Variants in CDK17 observed in about 807,000 individuals in gnomAD.
The protein encoded by CDK17 is cyclin-dependent kinase 17.
Under a neutral mutation model 77.6 loss-of-function variants are expected in CDK17, and 24 were observed. The ratio of observed to expected loss-of-function variants is 0.31; its 90% CI spans 0.22 to 0.44. The LOEUF (loss-of-function observed/expected upper bound fraction) is 0.44. Ranked by LOEUF, CDK17 falls within the 20% of genes least tolerant of loss-of-function variation. CDK17 has a pLI of 1.00. For missense variants in CDK17, 429 were observed against 622.5 expected (o/e 0.69, Z 3.31); for synonymous variants, 203 against 210.4 (o/e 0.96, Z 0.30).
At chr12:96,360,071 A>G (rs1953468833) in intron 1 of CDK17, among the ~76,000 whole-genome samples, 1 of 152,234 alleles carries the variant, frequency 6.6e-6, no homozygotes, top group Non-Finnish European at 1.5e-5. Flanking sequence ...AACATGCACT[A>G]TGATGGGGGA....
At chr12:96,360,502 T>A (rs1327304559) in intron 1 of CDK17, among the ~76,000 whole-genome samples, 1 of 152,178 alleles carries the variant, frequency 6.6e-6, no homozygotes, top group Non-Finnish European at 1.5e-5. Flanking sequence ...GGTTTAAACA[T>A]CTCATTTTCT....
At chr12:96,338,871 A>G (rs1953084350) in intron 1 of CDK17, among the ~76,000 whole-genome samples, 1 of 151,562 alleles carries the variant, frequency 6.6e-6, no homozygotes, top group Non-Finnish European at 1.5e-5. Flanking sequence ...TTTATTTCAT[A>G]TTGTTCTGCA....
chr12:96,388,422 T>A (rs1039840136), intron 1 of CDK17, among the ~76,000 whole-genome samples: 3 of 152,182 alleles, frequency 2.0e-5, no homozygotes, highest in Non-Finnish European at 4.4e-5. Context: ...ACAAGAAGGA[T>A]GCAACACACA....
intron 1 of CDK17, among the ~76,000 whole-genome samples, chr12:96,375,701 C>T (rs982047627): frequency 2.0e-5 from 3 of 151,808 alleles, no homozygotes; most frequent in African/African-American, 4.8e-5. Flanking sequence ...CCCACCACCA[C>T]GCCTGGGTAA....
In CDK17 at chr12:96,279,192, T is replaced by TA. The variant is rs1565799585; in HGVS notation, c.*1049dup. Reference sequence around the variant, plus strand: ...ATATTTAGTATCTCTGGTAAACAGATAATACCCACAATAATTTCAAGCAAT... The same window carrying TA: ...ATATTTAGTATCTCTGGTAAACAGATAAATACCCACAATAATTTCAAGCAAT... On this transcript the variant is annotated 3_prime_UTR_variant, in exon 17 of 17. Coordinates refer to ENST00000261211, the MANE Select transcript of CDK17 (RefSeq NM_002595.5). The TA allele has an allele frequency of 6.6e-6, 1 of 152,202 alleles. No individual in the cohort carries two copies. The highest frequency in any genetic ancestry group is 1.5e-5 in the Non-Finnish European group (1 of 67,998). The allele number at this position is 152,202 out of a possible 1,614,324, so 9.4% of individuals were successfully genotyped here.
intron 1 of CDK17, among the ~76,000 whole-genome samples, chr12:96,396,980 A>G (rs1370490085): frequency 6.6e-6 from 1 of 152,192 alleles, no homozygotes; most frequent in Non-Finnish European, 1.5e-5. Context: ...TAACTGTTAT[A>G]ATATTAAGGG....
chr12:96,336,420 G>A (rs1308456455), intron 1 of CDK17, among the ~76,000 whole-genome samples: 1 of 152,208 alleles, frequency 6.6e-6, no homozygotes, highest in Non-Finnish European at 1.5e-5. Context: ...AGCTACAAAT[G>A]TGCCACTGCA....
intron 1 of CDK17, among the ~76,000 whole-genome samples, chr12:96,385,083 G>A (rs1351565828): frequency 6.6e-6 from 1 of 151,518 alleles, no homozygotes; most frequent in African/African-American, 2.4e-5. Flanking sequence ...GGAGGCCTAG[G>A]CGGGCAGATC....
intron 10 of CDK17, among the ~76,000 whole-genome samples, chr12:96,291,028 G>A (rs1394648446): frequency 6.6e-6 from 1 of 151,634 alleles, no homozygotes; most frequent in Admixed American, 6.6e-5. Flanking sequence ...GTGGGAAAAG[G>A]GTAGAATTTT....
chr12:96,306,536 T>C (rs1952579442), intron 5 of CDK17, among the ~76,000 whole-genome samples: 1 of 152,122 alleles, frequency 6.6e-6, no homozygotes, highest in Non-Finnish European at 1.5e-5. Context: ...ATTAAGGGTA[T>C]ATTATCCATG....
At chr12:96,391,234 A>G (rs1954062337) in intron 1 of CDK17, among the ~76,000 whole-genome samples, 1 of 151,894 alleles carries the variant, frequency 6.6e-6, no homozygotes, top group Non-Finnish European at 1.5e-5. Context: ...ACAGTTAAAT[A>G]GCTAGATTTC....
At chr12:96,350,463 T>C (rs1176114001) in intron 1 of CDK17, among the ~76,000 whole-genome samples, 2 of 152,076 alleles carry the variant, frequency 1.3e-5, no homozygotes, top group East Asian at 1.9e-4. Context: ...TGTCCCCATT[T>C]CAAGACCTAA....
At chr12:96,368,906 G>C (rs1257218670) in intron 1 of CDK17, among the ~76,000 whole-genome samples, 2 of 143,822 alleles carry the variant, frequency 1.4e-5, no homozygotes, top group Non-Finnish European at 3.0e-5. Flanking sequence ...GAAACAGTTT[G>C]AATATAAAAT....
At chr12:96,297,372 T>A (rs1952422014) in intron 8 of CDK17, 40 bp from the exon 9 acceptor site, 1 of 1,359,430 alleles carries the variant, frequency 7.4e-7, no homozygotes, top group African/African-American at 1.4e-5. Context: ...TACACCATTT[T>A]CAGAATGTTG....
At chr12:96,364,849 T>C (rs903297905) in intron 1 of CDK17, among the ~76,000 whole-genome samples, 1 of 152,164 alleles carries the variant, frequency 6.6e-6, no homozygotes, top group South Asian at 2.1e-4. Context: ...TCAAGCACCA[T>C]GGAAAAGCAA....
intron 9 of CDK17, among the ~76,000 whole-genome samples, chr12:96,296,975 A>AT (rs555535858): frequency 1.0e-3 from 155 of 150,628 alleles, no homozygotes; most frequent in Middle Eastern, 6.9e-3. Context: ...TTTATTTTGA[A>AT]TTTTTTTTTT....
chr12:96,380,606 A>G (rs914179620), intron 1 of CDK17, among the ~76,000 whole-genome samples: 3 of 152,134 alleles, frequency 2.0e-5, no homozygotes, highest in African/African-American at 2.4e-5. Flanking sequence ...AGCATTTTCA[A>G]TATTGTAAAG....
intron 16 of CDK17, 113 bp from the exon 17 acceptor site, chr12:96,280,392 G>A (rs936896697): frequency 4.0e-6 from 6 of 1,499,122 alleles, no homozygotes; most frequent in Admixed American, 2.3e-5. Context: ...ATATTCCATG[G>A]TAAGAGTGAT....
chr12:96,339,669 C>CCTA (rs1475696559), intron 1 of CDK17, among the ~76,000 whole-genome samples: 35 of 152,100 alleles, frequency 2.3e-4, no homozygotes, highest in Admixed American at 3.9e-4. Context: ...GTGTCTCATG[C>CCTA]CTGTAATCCC....
Sources: gnomAD v4.1 joint callset for allele counts (sites outside exome capture counted in the v4.1 genomes callset) on GRCh38, gnomAD v4.1.1 for gene constraint, MANE v1.5 for transcripts, NCBI Gene and HGNC (gene_info 2026-07-23, HGNC 2026-07-21) for gene names.